SETD3: variants seen among roughly 807,000 people sequenced by gnomAD.
The protein encoded by SETD3 is actin-histidine N-methyltransferase.
In SETD3, 19 loss-of-function variants were observed where a neutral mutation model predicts 63.0. The observed-to-expected ratio is 0.30, with a 90% CI of 0.21 to 0.44. The LOEUF (loss-of-function observed/expected upper bound fraction) is 0.44, where lower values mean the gene tolerates loss of function less well. SETD3 is among the 20% of genes least tolerant of loss of function. SETD3 has a pLI of 1.00. For synonymous variants in SETD3, 286 were observed against 264.1 expected (o/e 1.08, Z -0.80); for missense variants, 587 against 728.5 (o/e 0.81, Z 2.24).
chr14:99,403,188 G>A (rs182738621), intron 11 of SETD3, among the ~76,000 whole-genome samples: 4 of 152,200 alleles, frequency 2.6e-5, no homozygotes, highest in South Asian at 2.1e-4. Flanking sequence ...CCAGCATGAC[G>A]TCAAACCCTG....
chr14:99,480,304 G>A (rs1282522487), intron 1 of SETD3, among the ~76,000 whole-genome samples: 1 of 152,082 alleles, frequency 6.6e-6, no homozygotes, highest in Non-Finnish European at 1.5e-5. Context: ...GCCGACTAGC[G>A]CGAGGGGCCC....
At chr14:99,448,959 T>C (rs1323837009) in intron 6 of SETD3, among the ~76,000 whole-genome samples, 1 of 152,218 alleles carries the variant, frequency 6.6e-6, no homozygotes, top group African/African-American at 2.4e-5. Context: ...ACAAGACACA[T>C]ACTCTCAAAT....
intron 6 of SETD3, among the ~76,000 whole-genome samples, chr14:99,437,280 A>C (rs1454429291): frequency 6.6e-6 from 1 of 152,052 alleles, no homozygotes; most frequent in Non-Finnish European, 1.5e-5. Flanking sequence ...CTCCCTGTGC[A>C]CACCACACTC....
intron 12 of SETD3, 64 bp from the exon 13 acceptor site, chr14:99,399,189 G>C: frequency 1.4e-6 from 2 of 1,464,006 alleles, no homozygotes; most frequent in Non-Finnish European, 1.9e-6. Context: ...GAGACAGAGG[G>C]CACAACGGCT....
chr14:99,422,404 A>C (rs182797544), intron 6 of SETD3, among the ~76,000 whole-genome samples: 2 of 152,318 alleles, frequency 1.3e-5, no homozygotes, highest in African/African-American at 4.8e-5. Flanking sequence ...CTTTTTGGCT[A>C]CTTTCAACTC....
At chr14:99,407,000 T>C (rs1159029128) in intron 8 of SETD3, among the ~76,000 whole-genome samples, 1 of 152,206 alleles carries the variant, frequency 6.6e-6, no homozygotes, top group Non-Finnish European at 1.5e-5. Flanking sequence ...TTGCAAGTAT[T>C]ATCTTTATCT....
intron 1 of SETD3, among the ~76,000 whole-genome samples, chr14:99,466,852 C>T (rs773376820): frequency 4.6e-5 from 7 of 152,280 alleles, no homozygotes; most frequent in Admixed American, 2.6e-4. Context: ...GCTGGTAGGG[C>T]GATCCATAAG....
intron 5 of SETD3, 125 bp from the exon 6 acceptor site, chr14:99,458,660 G>A: frequency 8.2e-7 from 1 of 1,213,932 alleles, no homozygotes; most frequent in Non-Finnish European, 1.1e-6. Context: ...GGTACAGGCT[G>A]GGCGCAGTGG....
intron 6 of SETD3, among the ~76,000 whole-genome samples, chr14:99,433,231 C>T (rs2139695756): frequency 6.6e-6 from 1 of 152,152 alleles, no homozygotes; most frequent in South Asian, 2.1e-4. Flanking sequence ...ATAAATGACA[C>T]TAGTATACTT....
At position 99,413,051 on chromosome 14, in the gene SETD3, G is replaced by C; in HGVS notation, c.749C>G (p.Ser250Cys). 6.2e-7 allele frequency: 1 copy of C among 1,607,420 alleles called. No individual in the cohort carries two copies. The highest frequency in any genetic ancestry group is 8.5e-7 in the Non-Finnish European group (1 of 1,173,992). ...TYEDYRWAVS[S>C]VMTRQNQIPT... ...AATTTGGTTTTGCCTCGTCATAACA[G>C]AAGAGACTGCCCACCTATAACAAGA... The change falls in exon 8 of 13, where the codon TCT (serine) becomes TGT (cysteine). Residue 250 changes from serine (S) to cysteine (C), a missense_variant. Ser to Cys is a moderately radical substitution (Grantham distance 112). Coordinates refer to ENST00000331768, the MANE Select transcript of SETD3 (RefSeq NM_032233.3).
intron 1 of SETD3, among the ~76,000 whole-genome samples, chr14:99,470,321 A>G (rs1209599574): frequency 3.3e-5 from 5 of 152,224 alleles, no homozygotes; most frequent in Non-Finnish European, 5.9e-5. Flanking sequence ...CAGATGCTAA[A>G]GAGTTGGCTT....
intron 6 of SETD3, among the ~76,000 whole-genome samples, chr14:99,418,078 T>C (rs915294368): frequency 6.6e-6 from 1 of 152,212 alleles, no homozygotes; most frequent in Non-Finnish European, 1.5e-5. Context: ...AAAAGGAAAG[T>C]TGCTCATAGA....
At chr14:99,459,786 A>G (rs1307464624) in intron 4 of SETD3, among the ~76,000 whole-genome samples, 1 of 152,212 alleles carries the variant, frequency 6.6e-6, no homozygotes, top group Non-Finnish European at 1.5e-5. Context: ...GTGTATCTAC[A>G]CTGCAAAAAA....
upstream of SETD3, chr14:99,481,295 G>C: frequency 5.1e-6 from 2 of 395,868 alleles, no homozygotes; most frequent in Non-Finnish European, 8.9e-6. Flanking sequence ...GCGGCGGCTC[G>C]TTCCTCTTTT....
intron 9 of SETD3, among the ~76,000 whole-genome samples, chr14:99,405,773 A>T (rs914007619): frequency 6.6e-6 from 1 of 152,236 alleles, no homozygotes; most frequent in Non-Finnish European, 1.5e-5. Flanking sequence ...CTTTTAATAC[A>T]GCAGGGTCTC....
intron 10 of SETD3, among the ~76,000 whole-genome samples, chr14:99,404,851 C>T (rs1891594313): frequency 6.6e-6 from 1 of 152,108 alleles, no homozygotes; most frequent in Non-Finnish European, 1.5e-5. Flanking sequence ...ATCATGACTT[C>T]ATTACAGAAA....
chr14:99,476,057 C>A (rs1041784175), intron 1 of SETD3, among the ~76,000 whole-genome samples: 1 of 152,212 alleles, frequency 6.6e-6, no homozygotes, highest in African/African-American at 2.4e-5. Flanking sequence ...ACAATCATGT[C>A]ATTTGGGCAT....
At chr14:99,470,956 G>A (rs1254819276) in intron 1 of SETD3, among the ~76,000 whole-genome samples, 2 of 152,010 alleles carry the variant, frequency 1.3e-5, no homozygotes, top group African/African-American at 2.4e-5. Flanking sequence ...CACACTCTTC[G>A]CTCTGTTACT....
chr14:99,437,420 C>T (rs1893544576), intron 6 of SETD3, among the ~76,000 whole-genome samples: 1 of 152,208 alleles, frequency 6.6e-6, no homozygotes. Context: ...TGCTGCTTTC[C>T]CTGCCTCTGG....
Sources: allele counts gnomAD v4.1 joint callset (sites outside exome capture counted in the v4.1 genomes callset), GRCh38; gene constraint gnomAD v4.1.1; transcripts MANE v1.5; gene names NCBI Gene and HGNC (gene_info 2026-07-23, HGNC 2026-07-21).